The following MYBL1 variants were observed in gnomAD, a reference collection of about 807,000 sequenced individuals.
The protein encoded by MYBL1 is MYB proto-oncogene like 1, also known as myb-related protein A.
In MYBL1, 17 loss-of-function variants were observed where a neutral mutation model predicts 96.3. The ratio of observed to expected loss-of-function variants is 0.18; its 90% CI spans 0.12 to 0.26. The LOEUF is 0.26. MYBL1 is among the 10% of genes least tolerant of loss of function. MYBL1 has a pLI of 1.00. For missense variants in MYBL1, 701 were observed against 882.9 expected, an observed-to-expected ratio of 0.79 and a Z score of 2.61; for synonymous variants, 282 against 292.7, an observed-to-expected ratio of 0.96 and a Z score of 0.37.
chr8:66,567,020 A>T, intron 12 of MYBL1, 28 bp from the exon 13 acceptor site: 1 of 1,500,796 alleles, frequency 6.7e-7, no homozygotes, highest in Non-Finnish European at 9.2e-7. Flanking sequence ...ATGTTGTAAA[A>T]AGTCATTTAT....
At chr8:66,589,838 C>G (rs1436516834) in intron 8 of MYBL1, among the ~76,000 whole-genome samples, 1 of 152,158 alleles carries the variant, frequency 6.6e-6, no homozygotes, top group Non-Finnish European at 1.5e-5. Context: ...TATGTCAGGT[C>G]TTCCTAGTTG....
chr8:66,576,898 C>A (rs1808976019), intron 9 of MYBL1, among the ~76,000 whole-genome samples: 1 of 152,164 alleles, frequency 6.6e-6, no homozygotes, highest in Non-Finnish European at 1.5e-5. Context: ...CAGGCTTCAT[C>A]CCTGGGATGC....
At chr8:66,586,440 A>G (rs1011846891) in intron 8 of MYBL1, among the ~76,000 whole-genome samples, 1 of 152,214 alleles carries the variant, frequency 6.6e-6, no homozygotes, top group Admixed American at 6.5e-5. Flanking sequence ...AATGCTCAAT[A>G]TCACTAGTCA....
At chr8:66,599,510 C>T (rs1178460631) in intron 3 of MYBL1, among the ~76,000 whole-genome samples, 1 of 152,090 alleles carries the variant, frequency 6.6e-6, no homozygotes. Context: ...GACATAAGAA[C>T]TCAAATAGTG....
At chr8:66,572,854 A>G (rs1338579676) in intron 11 of MYBL1, among the ~76,000 whole-genome samples, 1 of 152,208 alleles carries the variant, frequency 6.6e-6, no homozygotes, top group Non-Finnish European at 1.5e-5. Context: ...GATTGAAATC[A>G]AAGTTTGACA....
intron 1 of MYBL1, among the ~76,000 whole-genome samples, chr8:66,607,490 T>C (rs1437194798): frequency 6.6e-6 from 1 of 152,210 alleles, no homozygotes; most frequent in East Asian, 1.9e-4. Flanking sequence ...TTTGTAAAAC[T>C]AATGAACAAT....
At chr8:66,611,180 T>C (rs936143450) in intron 1 of MYBL1, among the ~76,000 whole-genome samples, 5 of 152,148 alleles carry the variant, frequency 3.3e-5, no homozygotes, top group Non-Finnish European at 4.4e-5. Context: ...TTTAACTAAA[T>C]GCTGATGACA....
rs1303161192 is a variant in MYBL1, at chr8:66,564,412, T to A, written c.*285A>T. 5.5e-5 allele frequency: 11 copies of A among 199,592 alleles called. No homozygotes were observed. Among genetic ancestry groups the A allele is most frequent in the African/African-American group, 2.1e-4 (9 of 43,184 alleles). The allele number at this position is 199,592 out of a possible 1,614,324, so 12.4% of individuals were successfully genotyped here. ...ACATATATCTTGTGAAGAAAATATA[T>A]GAGAATTTACTTTTAGAAATCCATG... On this transcript the variant is annotated 3_prime_UTR_variant, in exon 16 of 16. Coordinates refer to ENST00000522677, the MANE Select transcript of MYBL1 (RefSeq NM_001080416.4).
At chr8:66,576,515 A>G (rs1361826942) in intron 9 of MYBL1, 140 bp from the exon 10 acceptor site, 1 of 923,482 alleles carries the variant, frequency 1.1e-6, no homozygotes, top group Non-Finnish European at 1.6e-6. Context: ...ATTTTTTTTA[A>G]GCAAGACCAT....
intron 3 of MYBL1, among the ~76,000 whole-genome samples, chr8:66,599,741 G>A (rs1184653653): frequency 2.0e-5 from 3 of 151,946 alleles, no homozygotes; most frequent in Non-Finnish European, 2.9e-5. Flanking sequence ...TGGAGGTTGC[G>A]GTGAGCCGAG....
intron 12 of MYBL1, among the ~76,000 whole-genome samples, chr8:66,568,830 TC>T (rs953317026): frequency 4.0e-5 from 6 of 151,294 alleles, no homozygotes; most frequent in Admixed American, 2.0e-4. Context: ...TTCAAGACCA[TC>T]CTGGCTAACA....
At chr8:66,591,853 T>TTA (rs1032913831) in intron 8 of MYBL1, among the ~76,000 whole-genome samples, 6 of 151,890 alleles carry the variant, frequency 4.0e-5, no homozygotes, top group East Asian at 1.9e-4. Flanking sequence ...GTGTGTATAT[T>TTA]TATATATATA....
At chr8:66,568,798 G>A (rs1341212973) in intron 12 of MYBL1, among the ~76,000 whole-genome samples, 1 of 151,866 alleles carries the variant, frequency 6.6e-6, no homozygotes, top group Non-Finnish European at 1.5e-5. Context: ...AGACCGAGGC[G>A]GGCAGATCAC....
At chr8:66,586,827 A>G (rs1809439353) in intron 8 of MYBL1, among the ~76,000 whole-genome samples, 1 of 152,242 alleles carries the variant, frequency 6.6e-6, no homozygotes, top group Non-Finnish European at 1.5e-5. Flanking sequence ...ACACATACAT[A>G]GACACATAAC....
chr8:66,611,435 G>A, intron 1 of MYBL1, among the ~76,000 whole-genome samples: 1 of 152,224 alleles, frequency 6.6e-6, no homozygotes, highest in East Asian at 1.9e-4. Context: ...TAGAAGGGTG[G>A]TTCTTTCCTG....
chr8:66,584,702 AAAAAT>A (rs1295606166), intron 8 of MYBL1, among the ~76,000 whole-genome samples: 1 of 152,130 alleles, frequency 6.6e-6, no homozygotes, highest in Non-Finnish European at 1.5e-5. Context: ...TCTAAAATTA[AAAAAT>A]AAAATAAAAT....
chr8:66,576,125 C>T lies in MYBL1; in HGVS notation c.1352G>A (p.Arg451Lys). Residue 451 changes from arginine to lysine, a missense_variant, in exon 10 of 16, where the codon AGA (arginine) becomes AAA (lysine). Physicochemically the swap from Arg to Lys is conservative, Grantham distance 26. Coordinates refer to ENST00000522677, the MANE Select transcript of MYBL1 (RefSeq NM_001080416.4). Reference protein sequence around the residue: ...STPPAILRKKRKMRVGHSPGS... With the variant: ...STPPAILRKKKKMRVGHSPGS... ...TGGGGAATGACCCACTCGCATTTTT[C>T]TCTTCTTTCTGAGGATGGCTGGTGG... is the stretch of plus-strand genomic sequence containing the variant. 1 of 1,613,960 alleles carries T rather than the reference C, an allele frequency of 6.2e-7. No individual in the cohort carries two copies. Among genetic ancestry groups the T allele is most frequent in the Non-Finnish European group, 8.5e-7 (1 of 1,179,874 alleles).
chr8:66,603,068 C>A (rs1344034845), intron 1 of MYBL1, among the ~76,000 whole-genome samples: 1 of 151,900 alleles, frequency 6.6e-6, no homozygotes, highest in Admixed American at 6.6e-5. Flanking sequence ...CTTACTGACA[C>A]CAAACACATG....
intron 8 of MYBL1, among the ~76,000 whole-genome samples, chr8:66,582,934 T>A (rs1199118435): frequency 2.0e-5 from 3 of 152,096 alleles, no homozygotes; most frequent in Non-Finnish European, 4.4e-5. Flanking sequence ...CAATGAAAGA[T>A]CATCTAGACA....
Sources: gnomAD v4.1 joint callset for allele counts (sites outside exome capture counted in the v4.1 genomes callset) on GRCh38, gnomAD v4.1.1 for gene constraint, MANE v1.5 for transcripts, NCBI Gene and HGNC (gene_info 2026-07-23, HGNC 2026-07-21) for gene names.